GLIS3: variants seen among roughly 807,000 people sequenced by gnomAD.
GLIS3 encodes GLIS family zinc finger 3.
A neutral mutation model predicts 78.6 loss-of-function variants in GLIS3; 53 were observed. The observed-to-expected ratio is 0.67, with a 90% CI of 0.54 to 0.85. GLIS3 has a LOEUF of 0.85. Among genes scored for constraint, GLIS3 ranks in the 40% least tolerant of loss-of-function variants. GLIS3 has a pLI of 0.00. For synonymous variants in GLIS3, 684 were observed against 509.9 expected (o/e 1.34, Z -4.60); for missense variants, 1,703 against 1,231.1 (o/e 1.38, Z -5.74).
At chr9:3,844,142 T>C (rs1818897069) in intron 9 of GLIS3, among the ~76,000 whole-genome samples, 1 of 152,298 alleles carries the variant, frequency 6.6e-6, no homozygotes, top group Non-Finnish European at 1.5e-5. Context: ...TGGGGACAGA[T>C]CAAGCCAGTT....
At position 4,345,128 on chromosome 9, in the gene GLIS3, C is replaced by T. The variant is rs193199437; in HGVS notation, n.264+1953G>A. 2.0e-5 allele frequency among the ~76,000 whole-genome samples: 3 copies of T among 152,288 alleles called. No individual in the cohort carries two copies. In the East Asian group the frequency reaches 5.8e-4, roughly 29 times the overall value. On this transcript the variant is annotated intron_variant and non_coding_transcript_variant, in intron 2 of 4. Transcript: ENST00000471664. ...CAAGTTTCCCCCTCAGAGCAAAAGCCTGAGTGCTTACAAGATCCTACACAA... is the reference window on the plus strand; with the variant it reads ...CAAGTTTCCCCCTCAGAGCAAAAGCTTGAGTGCTTACAAGATCCTACACAA...
intron 3 of GLIS3, among the ~76,000 whole-genome samples, chr9:4,121,517 A>G (rs1274819659): frequency 1.3e-5 from 2 of 152,142 alleles, no homozygotes; most frequent in East Asian, 3.9e-4. Flanking sequence ...TTTTCCCTAT[A>G]TATGATCTCA....
At chr9:4,374,390 G>C in the GLIS3 span, among the ~76,000 whole-genome samples, 1 of 152,212 alleles carries the variant, frequency 6.6e-6, no homozygotes, top group Admixed American at 6.5e-5. Flanking sequence ...TTGCTATCTT[G>C]AAACTTCCAC....
intron 2 of GLIS3, among the ~76,000 whole-genome samples, chr9:4,281,257 C>T (rs574742345): frequency 6.6e-6 from 1 of 152,300 alleles, no homozygotes; most frequent in East Asian, 1.9e-4. Flanking sequence ...TTAGTATTTG[C>T]TCTTTTAAAA....
chr9:4,433,783 G>A, the GLIS3 span, among the ~76,000 whole-genome samples: 1 of 152,192 alleles, frequency 6.6e-6, no homozygotes, highest in Admixed American at 6.5e-5. Context: ...ACTTGCTAGT[G>A]GTGTAATTTG....
intron 4 of GLIS3, among the ~76,000 whole-genome samples, chr9:4,066,037 T>TAAAAAAAAAAAAAAAAA (rs375649097): frequency 1.0e-5 from 1 of 95,780 alleles, no homozygotes; most frequent in Non-Finnish European, 2.2e-5. Context: ...ACCCAAAGAA[T>TAAAAAAAAAAAAAAAAA]ATAAAAAAAA....
At chr9:4,213,236 T>G (rs950438538) in intron 2 of GLIS3, among the ~76,000 whole-genome samples, 6 of 152,164 alleles carry the variant, frequency 3.9e-5, no homozygotes, top group Admixed American at 3.9e-4. Context: ...CCTTAGCCTG[T>G]CGAAACCCTA....
chr9:4,167,799 G>A (rs75973741), intron 2 of GLIS3, among the ~76,000 whole-genome samples: 2 of 152,132 alleles, frequency 1.3e-5, no homozygotes, highest in African/African-American at 2.4e-5. Flanking sequence ...TTCTAACAGA[G>A]GGACTGACTG....
At chr9:4,219,567 A>G (rs1285633184) in intron 2 of GLIS3, among the ~76,000 whole-genome samples, 1 of 152,208 alleles carries the variant, frequency 6.6e-6, no homozygotes, top group Admixed American at 6.5e-5. Context: ...CGATCATTCA[A>G]ATATTTGGAA....
the GLIS3 span, among the ~76,000 whole-genome samples, chr9:4,417,639 G>C: frequency 6.6e-6 from 1 of 152,142 alleles, no homozygotes; most frequent in Non-Finnish European, 1.5e-5. Context: ...CGAATATCTT[G>C]TAGTGAAATT....
At chr9:3,901,873 G>GC in intron 6 of GLIS3, among the ~76,000 whole-genome samples, 1 of 151,382 alleles carries the variant, frequency 6.6e-6, no homozygotes, top group African/African-American at 2.4e-5. Flanking sequence ...AGAAAAACTG[G>GC]AAAAAAAAAT....
chr9:3,962,723 G>C (rs541661199), intron 4 of GLIS3, among the ~76,000 whole-genome samples: 5 of 152,286 alleles, frequency 3.3e-5, no homozygotes, highest in African/African-American at 9.6e-5. Flanking sequence ...GTGAAGTCCA[G>C]AATTTCATGG....
At chr9:3,960,049 A>G (rs1439556149) in intron 4 of GLIS3, among the ~76,000 whole-genome samples, 1 of 152,160 alleles carries the variant, frequency 6.6e-6, no homozygotes, top group Non-Finnish European at 1.5e-5. Flanking sequence ...TTGCAGAAGA[A>G]TTGCTTGAAC....
chr9:3,991,237 T>C (rs1249748829), intron 4 of GLIS3, among the ~76,000 whole-genome samples: 1 of 152,102 alleles, frequency 6.6e-6, no homozygotes, highest in African/African-American at 2.4e-5. Context: ...GAGATAAGTG[T>C]ACAAATGGGT....
Position 3,953,056 on chromosome 9 carries a change from A to G in GLIS3, c.1711-15867T>C, listed in dbSNP as rs1163933132. On this transcript the variant is annotated intron_variant, in intron 4 of 10. Transcript: ENST00000381971. Reference sequence around the variant, plus strand: ...TGTATTCTTGGGCTGGTGAAGAGTCAAGTCACCACTTCTTGTTTTTTTCTG... The same window carrying G: ...TGTATTCTTGGGCTGGTGAAGAGTCGAGTCACCACTTCTTGTTTTTTTCTG... Among the ~76,000 whole-genome samples the G allele has an allele frequency of 3.9e-5, 6 of 152,312 alleles. No individual in the cohort carries two copies. In the East Asian group the frequency reaches 1.2e-3, roughly 29 times the overall value.
chr9:4,466,412 G>A, the GLIS3 span, among the ~76,000 whole-genome samples: 1 of 152,148 alleles, frequency 6.6e-6, no homozygotes, highest in African/African-American at 2.4e-5. Flanking sequence ...TCAGAAAATA[G>A]AGAAGGAAGA....
At chr9:4,131,118 C>G (rs1471137774) in intron 2 of GLIS3, among the ~76,000 whole-genome samples, 1 of 152,140 alleles carries the variant, frequency 6.6e-6, no homozygotes, top group African/African-American at 2.4e-5. Context: ...GCCAATTTCT[C>G]CCTTTTGGAA....
chr9:4,054,202 C>G (rs1431583097), intron 4 of GLIS3: 1 of 432,664 alleles, frequency 2.3e-6, no homozygotes, highest in Non-Finnish European at 3.1e-6. Context: ...GGAAGCCTGT[C>G]CACACTCACC....
At chr9:4,068,222 A>C (rs901050984) in intron 4 of GLIS3, among the ~76,000 whole-genome samples, 1 of 152,180 alleles carries the variant, frequency 6.6e-6, no homozygotes, top group Non-Finnish European at 1.5e-5. Context: ...TAAAATGCAA[A>C]ATGTAATAAA....
Sources: gnomAD v4.1 joint callset for allele counts (sites outside exome capture counted in the v4.1 genomes callset) on GRCh38, gnomAD v4.1.1 for gene constraint, MANE v1.5 for transcripts, NCBI Gene and HGNC (gene_info 2026-07-23, HGNC 2026-07-21) for gene names.